The following DACH1 variants were observed in gnomAD, a reference collection of about 807,000 sequenced individuals.
DACH1 encodes the protein dachshund homolog 1.
A neutral mutation model predicts 54.2 loss-of-function variants in DACH1; 12 were observed. The ratio of observed to expected loss-of-function variants is 0.22; its 90% CI spans 0.14 to 0.36. DACH1 has a LOEUF of 0.36. Among genes scored for constraint, DACH1 ranks in the 10% least tolerant of loss-of-function variants. The pLI is 1.00. For synonymous variants in DACH1, 386 were observed against 366.2 expected (o/e 1.05, Z -0.62); for missense variants, 805 against 929.8 (o/e 0.87, Z 1.75).
At chr13:71,738,460 G>A (rs1884234314) in intron 1 of DACH1, among the ~76,000 whole-genome samples, 1 of 152,122 alleles carries the variant, frequency 6.6e-6, no homozygotes, top group South Asian at 2.1e-4. Flanking sequence ...GTCTGCGTGA[G>A]GTGGCTCAAG....
chr13:71,544,890 CTTAA>C (rs1277332915), intron 6 of DACH1, among the ~76,000 whole-genome samples: 1 of 151,974 alleles, frequency 6.6e-6, no homozygotes, highest in Non-Finnish European at 1.5e-5. Flanking sequence ...GGATAGATTA[CTTAA>C]TTAAACAACC....
At chr13:71,739,149 A>G (rs1038404280) in intron 1 of DACH1, among the ~76,000 whole-genome samples, 11 of 152,018 alleles carry the variant, frequency 7.2e-5, no homozygotes, top group Non-Finnish European at 1.5e-4. Context: ...CTACGTGGGA[A>G]GCTGAGGCAG....
At chr13:71,524,643 A>T (rs911002533) in intron 6 of DACH1, among the ~76,000 whole-genome samples, 21 of 151,976 alleles carry the variant, frequency 1.4e-4, no homozygotes, top group African/African-American at 4.8e-4. Context: ...TGACAGAAAT[A>T]AAAAAAATGA....
At chr13:71,665,582 T>C (rs1879776974) in intron 2 of DACH1, among the ~76,000 whole-genome samples, 1 of 152,066 alleles carries the variant, frequency 6.6e-6, no homozygotes, top group Non-Finnish European at 1.5e-5. Context: ...TAATTTAACT[T>C]ACATGTCCAA....
At chr13:71,847,849 G>T (rs1392585020) in intron 1 of DACH1, among the ~76,000 whole-genome samples, 1 of 152,134 alleles carries the variant, frequency 6.6e-6, no homozygotes, top group Non-Finnish European at 1.5e-5. Flanking sequence ...TTCGGATATA[G>T]GTAATATTAT....
intron 1 of DACH1, among the ~76,000 whole-genome samples, chr13:71,806,201 TTTCA>T (rs1328856253): frequency 6.6e-6 from 1 of 152,206 alleles, no homozygotes; most frequent in Non-Finnish European, 1.5e-5. Context: ...TCTTCAAATC[TTTCA>T]TTTATTAAAA....
At position 71,492,742 on chromosome 13, in the gene DACH1, A is replaced by AGTGTGTGTGT. The variant is rs112271287; in HGVS notation, c.1571-3604_1571-3595dup. On this transcript the variant is annotated intron_variant, in intron 6 of 10. Transcript: ENST00000613252. ...CCCTCTCTTGTTCTGTGTGTGTGTG[A>AGTGTGTGTGT]GTGTGTGTGTGTGTGTGTGAGTGTA... Among the ~76,000 whole-genome samples the AGTGTGTGTGT allele has an allele frequency of 5.0e-5, 7 of 139,814 alleles. No individual in the cohort carries two copies. In the East Asian group the frequency reaches 1.0e-3, roughly 21 times the overall value. 91.7% of individuals were successfully genotyped at this position (139,814 alleles called of 152,430 possible).
At chr13:71,773,975 T>TA (rs560299450) in intron 1 of DACH1, among the ~76,000 whole-genome samples, 4,407 of 142,362 alleles carry the variant, frequency 0.031, 194 homozygotes, top group African/African-American at 0.099. Context: ...ATTGCCTGTT[T>TA]AAAAAAAAAA....
Position 71,450,963 on chromosome 13 carries a change from A to G in DACH1, c.2084-10271T>C, listed in dbSNP as rs552362061. On this transcript the variant is annotated intron_variant, in intron 10 of 10. Transcript: ENST00000613252. ...GTCGAAATCTGCATCCTGTGATTCTATGAACTCAAATCTGTTCAAGAACTG... is the reference window on the plus strand; with the variant it reads ...GTCGAAATCTGCATCCTGTGATTCTGTGAACTCAAATCTGTTCAAGAACTG... Among the ~76,000 whole-genome samples, 86 of 152,258 alleles carry G rather than the reference A, an allele frequency of 5.6e-4. 1 individual carries two copies. In the South Asian group the frequency reaches 0.017, roughly 31 times the overall value.
chr13:71,559,581 A>G (rs1393448333), intron 5 of DACH1, among the ~76,000 whole-genome samples: 1 of 152,196 alleles, frequency 6.6e-6, no homozygotes, highest in African/African-American at 2.4e-5. Flanking sequence ...TCTGTTTCAT[A>G]GCTCAAATCT....
At chr13:71,520,283 T>A (rs1423235669) in intron 6 of DACH1, among the ~76,000 whole-genome samples, 13 of 151,676 alleles carry the variant, frequency 8.6e-5, no homozygotes, top group Admixed American at 8.6e-4. Context: ...AATAATGCCA[T>A]ACTCTTGCCA....
chr13:71,822,927 G>A (rs1173615623), intron 1 of DACH1, among the ~76,000 whole-genome samples: 1 of 151,900 alleles, frequency 6.6e-6, no homozygotes, highest in South Asian at 2.1e-4. Flanking sequence ...AAAGAATAAA[G>A]AAAAATGTAT....
chr13:71,819,634 A>G (rs1238525180), intron 1 of DACH1, among the ~76,000 whole-genome samples: 1 of 152,224 alleles, frequency 6.6e-6, no homozygotes, highest in African/African-American at 2.4e-5. Flanking sequence ...ATAAGAATGT[A>G]CACATTCCAT....
intron 1 of DACH1, among the ~76,000 whole-genome samples, chr13:71,717,386 G>A (rs1883023759): frequency 6.6e-6 from 1 of 151,786 alleles, no homozygotes; most frequent in Non-Finnish European, 1.5e-5. Flanking sequence ...TTTAACTGAG[G>A]GATTATCTCT....
intron 1 of DACH1, among the ~76,000 whole-genome samples, chr13:71,791,531 C>T (rs1886833262): frequency 6.6e-6 from 1 of 152,094 alleles, no homozygotes; most frequent in Non-Finnish European, 1.5e-5. Context: ...CAGGCACATA[C>T]CACCATGCCC....
intron 8 of DACH1, among the ~76,000 whole-genome samples, 172 bp downstream of exon 8, chr13:71,478,997 T>C (rs1302985535): frequency 3.9e-5 from 6 of 152,168 alleles, no homozygotes; most frequent in African/African-American, 9.6e-5. Context: ...AAAGAAAACA[T>C]GTACTTTGGA....
intron 3 of DACH1, among the ~76,000 whole-genome samples, chr13:71,596,067 G>A (rs1010082085): frequency 6.6e-6 from 1 of 151,256 alleles, no homozygotes; most frequent in African/African-American, 2.4e-5. Context: ...TGAAGGGTAG[G>A]GTCCACAGGT....
At chr13:71,586,459 C>T (rs1873284461) in intron 3 of DACH1, among the ~76,000 whole-genome samples, 3 of 152,040 alleles carry the variant, frequency 2.0e-5, no homozygotes, top group Non-Finnish European at 4.4e-5. Context: ...CTTCAAATAA[C>T]TGTTATTAAA....
At chr13:71,575,046 T>A (rs1159616199) in intron 3 of DACH1, among the ~76,000 whole-genome samples, 2 of 152,034 alleles carry the variant, frequency 1.3e-5, no homozygotes, top group Non-Finnish European at 2.9e-5. Flanking sequence ...GCTCTTTACA[T>A]TGCCTTTATC....
Sources: allele counts gnomAD v4.1 joint callset (sites outside exome capture counted in the v4.1 genomes callset), GRCh38; gene constraint gnomAD v4.1.1; transcripts MANE v1.5; gene names NCBI Gene and HGNC (gene_info 2026-07-23, HGNC 2026-07-21).